RBFOX1: variants seen among roughly 807,000 people sequenced by gnomAD.
The protein encoded by RBFOX1 is RNA binding protein fox-1 homolog 1.
In RBFOX1, 8 loss-of-function variants were observed where a neutral mutation model predicts 57.7. The ratio of observed to expected loss-of-function variants is 0.14; its 90% CI spans 0.08 to 0.25. The LOEUF (loss-of-function observed/expected upper bound fraction) is 0.25. Among genes scored for constraint, RBFOX1 ranks in the 10% least tolerant of loss-of-function variants. The pLI is 1.00. For synonymous variants in RBFOX1, 326 were observed against 222.4 expected (o/e 1.47, Z -4.15); for missense variants, 611 against 548.5 (o/e 1.11, Z -1.14).
intron 2 of RBFOX1, among the ~76,000 whole-genome samples, chr16:5,532,443 C>G (rs1032878661): frequency 1.3e-5 from 2 of 152,204 alleles, no homozygotes; most frequent in South Asian, 2.1e-4. Context: ...CCCGGACTCA[C>G]TGATCTGAAC....
intron 3 of RBFOX1, among the ~76,000 whole-genome samples, chr16:6,764,838 G>T (rs1009883084): frequency 6.6e-6 from 1 of 152,114 alleles, no homozygotes; most frequent in African/African-American, 2.4e-5. Context: ...TCGGGAAGCT[G>T]AGGCAGGAGA....
intron 4 of RBFOX1, among the ~76,000 whole-genome samples, chr16:7,432,557 T>G (rs1216910032): frequency 1.3e-5 from 2 of 152,200 alleles, no homozygotes; most frequent in Admixed American, 6.5e-5. Flanking sequence ...AGTAACACTT[T>G]TAAGCTTTGT....
chr16:6,303,270 A>T (rs2079038151), intron 1 of RBFOX1, among the ~76,000 whole-genome samples: 2 of 152,146 alleles, frequency 1.3e-5, no homozygotes, highest in Admixed American at 1.3e-4. Flanking sequence ...GTTCTGAGAC[A>T]TCTTCCCGGG....
rs986703387 is a variant in RBFOX1 at position 6,503,212 on chromosome 16, T to A, written c.-63-151391T>A. ...ATTATTTGTTTTCATAACATTTTTT[T>A]AATAAAAATAACGTTAAAATAAATC... On this transcript the variant is annotated intron_variant, in intron 2 of 15. Transcript: ENST00000550418. Among the ~76,000 whole-genome samples the A allele has an allele frequency of 5.3e-5, 8 of 152,184 alleles. No individual in the cohort carries two copies. In the South Asian group the frequency reaches 6.2e-4, roughly 12 times the overall value.
intron 1 of RBFOX1, among the ~76,000 whole-genome samples, chr16:6,042,806 C>T (rs2095452532): frequency 1.3e-5 from 2 of 152,182 alleles, no homozygotes; most frequent in South Asian, 4.1e-4. Context: ...GGCAGGACAT[C>T]TTGAAATGGG....
In RBFOX1 at chr16:6,832,066, A is replaced by G. The variant is rs1043221907; in HGVS notation, c.-16+177416A>G. Among the ~76,000 whole-genome samples, 12 of 152,242 alleles carry G rather than the reference A, an allele frequency of 7.9e-5. No homozygotes were observed. In the East Asian group the frequency reaches 2.3e-3, roughly 29 times the overall value. ...CACTTAAGAATATAATTGCATATTA[A>G]TCAACCATTTGTAGACAAAACTGAA... On this transcript the variant is annotated intron_variant, in intron 3 of 15. Coordinates refer to ENST00000550418, the MANE Select transcript of RBFOX1 (RefSeq NM_018723.4).
At chr16:6,130,396 A>G (rs1354609363) in intron 1 of RBFOX1, among the ~76,000 whole-genome samples, 1 of 152,184 alleles carries the variant, frequency 6.6e-6, no homozygotes. Context: ...TGAATAGAAT[A>G]TAGCTTTAAA....
intron 14 of RBFOX1, among the ~76,000 whole-genome samples, chr16:7,705,052 A>T (rs2081997497): frequency 6.6e-6 from 1 of 151,004 alleles, no homozygotes; most frequent in African/African-American, 2.4e-5. Flanking sequence ...TCAAAAGAAA[A>T]AAAAAAAAAA....
At chr16:5,827,081 T>C (rs1157392330) in intron 3 of RBFOX1, among the ~76,000 whole-genome samples, 2 of 152,192 alleles carry the variant, frequency 1.3e-5, no homozygotes, top group Non-Finnish European at 2.9e-5. Flanking sequence ...TCTTTTTCTC[T>C]TTCACACATG....
chr16:6,593,526 C>T (rs187729028), intron 2 of RBFOX1, among the ~76,000 whole-genome samples: 9 of 152,206 alleles, frequency 5.9e-5, no homozygotes, highest in Admixed American at 4.6e-4. Context: ...CAATGGGATC[C>T]ATCTAGAATC....
chr16:5,581,113 C>T lies in RBFOX1; in HGVS notation c.259-17789C>T, dbSNP rs564637788. Among the ~76,000 whole-genome samples the T allele has an allele frequency of 7.2e-5, 11 of 152,282 alleles. No homozygotes were observed. The South Asian group carries it at 2.1e-3, about 29-fold the overall frequency. ...CACGTAGCCACCATTGTAGATGGCA[C>T]TTGACAGATCCAGAGGAGAAGGGGG... On this transcript the variant is annotated intron_variant, in intron 2 of 2. Coordinates refer to the RBFOX1 transcript ENST00000585867.
intron 2 of RBFOX1, among the ~76,000 whole-genome samples, chr16:6,369,691 C>A (rs187010156): frequency 6.6e-6 from 1 of 152,164 alleles, no homozygotes; most frequent in Non-Finnish European, 1.5e-5. Context: ...TTCACTATCA[C>A]GCATTTTCTA....
intron 1 of RBFOX1, among the ~76,000 whole-genome samples, chr16:6,313,629 T>C (rs1348450091): frequency 6.6e-6 from 1 of 152,168 alleles, no homozygotes; most frequent in Admixed American, 6.5e-5. Flanking sequence ...ATGCATGAAC[T>C]GAGCATTCAC....
chr16:6,924,763 G>A (rs1263117132), intron 3 of RBFOX1, among the ~76,000 whole-genome samples: 2 of 151,222 alleles, frequency 1.3e-5, no homozygotes, highest in African/African-American at 2.4e-5. Flanking sequence ...CATGTGCCAT[G>A]TTGGTGTGCT....
intron 4 of RBFOX1, among the ~76,000 whole-genome samples, chr16:7,119,508 A>G (rs999825391): frequency 6.6e-6 from 1 of 152,132 alleles, no homozygotes; most frequent in Non-Finnish European, 1.5e-5. Context: ...TAGATGGGAT[A>G]TATTTAGGGC....
At chr16:5,598,956 G>T (rs1434382348) in exon 3 of RBFOX1, 3 of 1,531,706 alleles carry the variant, frequency 2.0e-6, no homozygotes, top group Non-Finnish European at 2.6e-6. Context: ...CAGCCTGCAA[G>T]ACTCCGTAAG....
At chr16:6,553,842 A>T (rs1317265492) in intron 2 of RBFOX1, among the ~76,000 whole-genome samples, 1 of 152,144 alleles carries the variant, frequency 6.6e-6, no homozygotes, top group Non-Finnish European at 1.5e-5. Context: ...GCCAAATCTC[A>T]TCATGAATTG....
At chr16:7,430,227 T>C (rs2098665589) in intron 4 of RBFOX1, among the ~76,000 whole-genome samples, 2 of 152,262 alleles carry the variant, frequency 1.3e-5, no homozygotes, top group South Asian at 4.1e-4. Flanking sequence ...CAGCCTCATG[T>C]CTTCACTCAT....
chr16:5,547,861 T>G (rs1226367070), intron 2 of RBFOX1, among the ~76,000 whole-genome samples: 1 of 151,998 alleles, frequency 6.6e-6, no homozygotes, highest in Non-Finnish European at 1.5e-5. Flanking sequence ...CACATGGACG[T>G]AAAGATGGCA....
Sources: gnomAD v4.1 joint callset for allele counts (sites outside exome capture counted in the v4.1 genomes callset) on GRCh38, gnomAD v4.1.1 for gene constraint, MANE v1.5 for transcripts, NCBI Gene and HGNC (gene_info 2026-07-23, HGNC 2026-07-21) for gene names.